ENTPD1: variants seen among roughly 807,000 people sequenced by gnomAD.
ENTPD1 encodes ATP diphosphohydrolase.
Under a neutral mutation model 57.0 loss-of-function variants are expected in ENTPD1, and 33 were observed. The observed-to-expected ratio is 0.58, with a 90% confidence interval of 0.44 to 0.77. The LOEUF (loss-of-function observed/expected upper bound fraction) is 0.77. Ranked by LOEUF, ENTPD1 falls within the 30% of genes least tolerant of loss-of-function variation. The pLI is 0.00. For missense variants in ENTPD1, 501 were observed against 603.4 expected (o/e 0.83, Z 1.78); for synonymous variants, 202 against 218.8 (o/e 0.92, Z 0.68).
intron 1 of ENTPD1, among the ~76,000 whole-genome samples, chr10:95,727,163 G>A (rs935366923): frequency 4.7e-4 from 71 of 152,156 alleles, no homozygotes; most frequent in African/African-American, 1.3e-3. Flanking sequence ...GAGATTCACA[G>A]TGTGACCTCT....
intron 1 of ENTPD1, among the ~76,000 whole-genome samples, chr10:95,810,916 C>A (rs1015057139): frequency 1.3e-5 from 2 of 152,078 alleles, no homozygotes; most frequent in Non-Finnish European, 2.9e-5. Flanking sequence ...TCTGAAATAT[C>A]AGTAGTATCT....
Position 95,848,011 on chromosome 10 carries a change from G to A in ENTPD1, c.1074+305G>A, listed in dbSNP as rs116893742. Among the ~76,000 whole-genome samples the A allele has an allele frequency of 2.4e-4, 36 of 152,276 alleles. No homozygotes were observed. The East Asian group carries it at 6.6e-3, about 28-fold the overall frequency. On this transcript the variant is annotated intron_variant, in intron 7 of 9. Transcript: ENST00000371205. ...TCATCTCCTTTCTAGTCAACAATAA[G>A]AGTACTGCCTTTCCGGAATGGGGGA... is the stretch of plus-strand genomic sequence containing the variant.
At chr10:95,804,644 T>C (rs980303999) in intron 1 of ENTPD1, among the ~76,000 whole-genome samples, 18 of 152,372 alleles carry the variant, frequency 1.2e-4, no homozygotes, top group African/African-American at 4.3e-4. Context: ...AGGGACAATT[T>C]GACTTTGTCT....
intron 1 of ENTPD1, among the ~76,000 whole-genome samples, chr10:95,714,850 C>T (rs2097969770): frequency 1.3e-5 from 2 of 152,028 alleles, no homozygotes; most frequent in South Asian, 4.1e-4. Flanking sequence ...TAAGATTAGC[C>T]CACATATTAT....
intron 1 of ENTPD1, among the ~76,000 whole-genome samples, chr10:95,728,875 C>T (rs1274678515): frequency 2.0e-5 from 3 of 152,090 alleles, no homozygotes; most frequent in African/African-American, 7.2e-5. Flanking sequence ...GCAAATGGCA[C>T]TATGTATAGT....
At chr10:95,713,434 C>T (rs1358526743) in intron 1 of ENTPD1, among the ~76,000 whole-genome samples, 1 of 152,186 alleles carries the variant, frequency 6.6e-6, no homozygotes, top group Non-Finnish European at 1.5e-5. Flanking sequence ...TAGAAATTCT[C>T]TTGACAAAAT....
Position 95,869,779 on chromosome 10 carries a change from G to C in ENTPD1, c.*3396G>C. ...ACTGGGTAACACAGGAGAGTTTTCA[G>C]AAAGCAACTAAATCCAAAATACTAT... On this transcript the variant is annotated 3_prime_UTR_variant, in exon 10 of 10. Transcript: ENST00000371205. The C allele has an allele frequency of 1.3e-6, 1 of 785,022 alleles. No homozygotes were observed. The allele number at this position is 785,022 out of a possible 1,614,324, so 48.6% of individuals were successfully genotyped here.
intron 1 of ENTPD1, among the ~76,000 whole-genome samples, chr10:95,719,820 C>G (rs1351363917): frequency 6.6e-6 from 1 of 152,130 alleles, no homozygotes; most frequent in African/African-American, 2.4e-5. Context: ...GTAAAACAGT[C>G]CAGGTGAGTT....
the ENTPD1 span, among the ~76,000 whole-genome samples, chr10:95,703,129 G>A: frequency 6.6e-6 from 1 of 151,988 alleles, no homozygotes; most frequent in Non-Finnish European, 1.5e-5. Context: ...ATAAAAAGTA[G>A]AATATCTTTA....
At chr10:95,817,454 C>T (rs760286886) in intron 1 of ENTPD1, among the ~76,000 whole-genome samples, 1 of 152,302 alleles carries the variant, frequency 6.6e-6, no homozygotes, top group African/African-American at 2.4e-5. Flanking sequence ...CCCAATGGTT[C>T]CTTGTTCACC....
At position 95,864,707 on chromosome 10, in the gene ENTPD1, CCT is replaced by C; in HGVS notation, c.1189-15_1189-14del. 2 of 1,613,994 alleles carry C rather than the reference CCT, an allele frequency of 1.2e-6. No individual in the cohort carries two copies. The highest frequency in any genetic ancestry group is 2.2e-5 in the East Asian group (1 of 44,876). ...GCCTATCATACGAGTATGATCTCCCCCTCACTTCACTTCTAGATAAAAACATC... is the reference window on the plus strand; with the variant it reads ...GCCTATCATACGAGTATGATCTCCCCCACTTCACTTCTAGATAAAAACATC... On this transcript the variant is annotated splice_polypyrimidine_tract_variant and intron_variant, in intron 8 of 9. Transcript: ENST00000371205.
chr10:95,727,436 A>C (rs115269639), intron 1 of ENTPD1, among the ~76,000 whole-genome samples: 3 of 152,102 alleles, frequency 2.0e-5, no homozygotes, highest in African/African-American at 7.2e-5. Context: ...GATAACTTAT[A>C]TGTGATTCAT....
intron 1 of ENTPD1, among the ~76,000 whole-genome samples, chr10:95,750,605 T>C (rs551718585): frequency 6.6e-6 from 1 of 152,160 alleles, no homozygotes; most frequent in South Asian, 2.1e-4. Flanking sequence ...TCTCAGGTAT[T>C]TCTTTATTGC....
At chr10:95,704,760 A>C in the ENTPD1 span, among the ~76,000 whole-genome samples, 50 of 152,228 alleles carry the variant, frequency 3.3e-4, no homozygotes, top group African/African-American at 9.6e-4. Context: ...GATAATAAAG[A>C]AAAAGATTGT....
intron 1 of ENTPD1, among the ~76,000 whole-genome samples, chr10:95,794,353 C>T (rs891152221): frequency 6.6e-6 from 1 of 152,294 alleles, no homozygotes; most frequent in East Asian, 1.9e-4. Flanking sequence ...CGAGTGCCTA[C>T]TCTGTGCAGA....
chr10:95,862,061 T>TC (rs1371443044), intron 8 of ENTPD1, among the ~76,000 whole-genome samples: 1 of 152,182 alleles, frequency 6.6e-6, no homozygotes. Context: ...ATGTTTTACT[T>TC]CATAAGACTA....
chr10:95,745,442 A>C (rs956181597), intron 1 of ENTPD1, among the ~76,000 whole-genome samples: 1 of 152,166 alleles, frequency 6.6e-6, no homozygotes, highest in African/African-American at 2.4e-5. Context: ...GGCCTCCCAA[A>C]GTGCTGGGAT....
rs1221129509 is a variant in ENTPD1, at chr10:95,873,115, A to C, written c.*6732A>C. 1 of 969,918 alleles carries C rather than the reference A, an allele frequency of 1.0e-6. No homozygotes were observed. The highest frequency in any genetic ancestry group is 1.8e-5 in the African/African-American group (1 of 56,916). 60.1% of individuals were successfully genotyped at this position (969,918 alleles called of 1,614,324 possible). ...TCTGGGGTGAGGCCTGAGGTTTTACATTTCCAACAAGCTGCCAGGTAAAGC... is the reference window on the plus strand; with the variant it reads ...TCTGGGGTGAGGCCTGAGGTTTTACCTTTCCAACAAGCTGCCAGGTAAAGC... On this transcript the variant is annotated 3_prime_UTR_variant, in exon 10 of 10. Coordinates refer to ENST00000371205, the MANE Select transcript of ENTPD1 (RefSeq NM_001776.6).
intron 2 of ENTPD1, among the ~76,000 whole-genome samples, chr10:95,831,233 A>G (rs1423111782): frequency 1.3e-5 from 2 of 152,164 alleles, no homozygotes; most frequent in South Asian, 2.1e-4. Context: ...TCATACATGG[A>G]AAGACTTTCA....
Sources: allele counts gnomAD v4.1 joint callset (sites outside exome capture counted in the v4.1 genomes callset), GRCh38; gene constraint gnomAD v4.1.1; transcripts MANE v1.5; gene names NCBI Gene and HGNC (gene_info 2026-07-23, HGNC 2026-07-21).